BICRAL: variants seen among roughly 807,000 people sequenced by gnomAD.
The protein encoded by BICRAL is BICRA like chromatin remodeling complex associated protein, also known as BRD4-interacting chromatin-remodeling complex-associated protein-like.
BICRAL carries 8 observed loss-of-function variants against 91.8 expected under a neutral mutation model. The observed-to-expected ratio is 0.09, with a 90% CI of 0.05 to 0.16. BICRAL has a LOEUF of 0.16. Ranked by LOEUF, BICRAL falls within the 10% of genes least tolerant of loss-of-function variation. BICRAL has a pLI of 1.00. For missense variants in BICRAL, 1,038 were observed against 1,310.9 expected, an observed-to-expected ratio of 0.79 and a Z score of 3.21; for synonymous variants, 445 against 491.1, an observed-to-expected ratio of 0.91 and a Z score of 1.24.
At chr6:42,827,016 C>T (rs1358623584) in intron 5 of BICRAL, among the ~76,000 whole-genome samples, 2 of 152,102 alleles carry the variant, frequency 1.3e-5, no homozygotes, top group Non-Finnish European at 2.9e-5. Flanking sequence ...AAACTCCCAA[C>T]CTCAGGTGAT....
At chr6:42,835,287 A>G (rs1484110993) in intron 6 of BICRAL, among the ~76,000 whole-genome samples, 1 of 151,752 alleles carries the variant, frequency 6.6e-6, no homozygotes, top group African/African-American at 2.4e-5. Context: ...CGCCACCACA[A>G]CTGGCTAATT....
At chr6:42,748,410 A>G (rs181875285) in intron 1 of BICRAL, among the ~76,000 whole-genome samples, 65 of 152,292 alleles carry the variant, frequency 4.3e-4, no homozygotes, top group Non-Finnish European at 7.9e-4. Context: ...ACATTTCGGT[A>G]TTAGGCATAG....
chr6:42,760,359 TAAA>T (rs59668032), intron 1 of BICRAL, among the ~76,000 whole-genome samples: 2 of 125,954 alleles, frequency 1.6e-5, no homozygotes, highest in Non-Finnish European at 1.7e-5. Flanking sequence ...TCTCTACTAC[TAAA>T]AAAAAAAAAA....
chr6:42,791,441 T>C (rs925263635), intron 1 of BICRAL, among the ~76,000 whole-genome samples: 7 of 152,282 alleles, frequency 4.6e-5, no homozygotes, highest in Admixed American at 1.3e-4. Context: ...ATGAAAGATA[T>C]TGCCTTTCTA....
In BICRAL at chr6:42,830,033, C is replaced by T. The variant is rs770145250; in HGVS notation, c.1700C>T (p.Thr567Ile). ...VQSGSSGSNF[T>I]GDQLTQPNRT... The stretch of plus-strand genomic sequence containing the variant: ...TCTGGTTCATCAGGATCAAACTTTA[C>T]AGGAGATCAGCTGACCCAGCCAAAC... The change falls in exon 6 of 13, where the codon ACA becomes ATA. Residue 567 changes from threonine to isoleucine, a missense_variant. Coordinates refer to ENST00000314073, the MANE Select transcript of BICRAL (RefSeq NM_001393499.1). 2.1e-5 allele frequency: 34 copies of T among 1,614,076 alleles called. No homozygotes were observed. The East Asian group carries it at 5.6e-4, about 26-fold the overall frequency.
intron 9 of BICRAL, 104 bp downstream of exon 9, chr6:42,856,021 A>C: frequency 2.1e-6 from 2 of 942,456 alleles, no homozygotes; most frequent in South Asian, 1.4e-5. Flanking sequence ...TGAGTATATT[A>C]GCCTTTTTAA....
chr6:42,831,809 G>A (rs1183259664), intron 6 of BICRAL, among the ~76,000 whole-genome samples: 3 of 150,990 alleles, frequency 2.0e-5, no homozygotes, highest in South Asian at 2.1e-4. Flanking sequence ...CGAAATCTCA[G>A]CTCACTGCAG....
At chr6:42,863,586 G>C (rs1765621647) in intron 12 of BICRAL, among the ~76,000 whole-genome samples, 1 of 152,224 alleles carries the variant, frequency 6.6e-6, no homozygotes, top group South Asian at 2.1e-4. Flanking sequence ...AAGACAGATA[G>C]GTTTTCTGTT....
At chr6:42,832,398 T>TAC (rs1764511661) in intron 6 of BICRAL, among the ~76,000 whole-genome samples, 1 of 147,196 alleles carries the variant, frequency 6.8e-6, no homozygotes. Context: ...TATATATATA[T>TAC]ACATATATAT....
Position 42,864,767 on chromosome 6 carries a change from A to T in BICRAL, c.2561A>T (p.Gln854Leu). The T allele has an allele frequency of 1.2e-6, 2 of 1,614,216 alleles. No individual in the cohort carries two copies. The highest frequency in any genetic ancestry group is 1.7e-6 in the Non-Finnish European group (2 of 1,180,042). The change falls in exon 13 of 13, where the codon CAA (glutamine) becomes CTA (leucine). Residue 854 changes from glutamine to leucine, a missense_variant. This residue lies in a region of BICRAL where 294 missense variants were observed against 292.6 expected (regional missense o/e 1.00). Coordinates refer to ENST00000314073, the MANE Select transcript of BICRAL (RefSeq NM_001393499.1). The part of the protein sequence containing the change: ...QHGSKASSSL[Q>L]PPAKAQGRDR... ...GGCAGTAAAGCAAGCAGCTCTCTGC[A>T]ACCGCCAGCCAAGGCCCAAGGCAGA...
At chr6:42,857,614 A>AAATATAT in intron 10 of BICRAL, among the ~76,000 whole-genome samples, 8 of 96,226 alleles carry the variant, frequency 8.3e-5, no homozygotes, top group African/African-American at 4.6e-4. Context: ...AAAAAAAAAA[A>AAATATAT]ATATATATAT....
chr6:42,859,009 C>G (rs1765472440), intron 10 of BICRAL, among the ~76,000 whole-genome samples: 1 of 151,950 alleles, frequency 6.6e-6, no homozygotes, highest in African/African-American at 2.4e-5. Context: ...GCAGGGACCT[C>G]TAATCTCAGG....
chr6:42,778,976 C>T (rs1034042321), upstream of BICRAL, among the ~76,000 whole-genome samples: 1 of 151,912 alleles, frequency 6.6e-6, no homozygotes, highest in African/African-American at 2.4e-5. Context: ...TGCCACCACG[C>T]CTGGCTAATT....
At chr6:42,748,760 G>A (rs112560063) in intron 1 of BICRAL, among the ~76,000 whole-genome samples, 6 of 152,326 alleles carry the variant, frequency 3.9e-5, no homozygotes, top group African/African-American at 1.4e-4. Context: ...CAGGCTGTGA[G>A]GTATGTGGTC....
At chr6:42,809,076 TAAGTTCTGGCCTCC>T (rs930846612) in intron 1 of BICRAL, among the ~76,000 whole-genome samples, 1 of 152,046 alleles carries the variant, frequency 6.6e-6, no homozygotes, top group Non-Finnish European at 1.5e-5. Context: ...TTTAATACTT[TAAGTTCTGGCCTCC>T]CCTAGCCCCC....
intron 1 of BICRAL, among the ~76,000 whole-genome samples, chr6:42,789,856 C>G (rs1763217194): frequency 6.6e-6 from 1 of 152,098 alleles, no homozygotes; most frequent in Non-Finnish European, 1.5e-5. Flanking sequence ...ATTATTTGCT[C>G]CCATGTTTAC....
upstream of BICRAL, among the ~76,000 whole-genome samples, chr6:42,781,459 G>A (rs1318104146): frequency 6.6e-6 from 1 of 151,670 alleles, no homozygotes; most frequent in Non-Finnish European, 1.5e-5. Flanking sequence ...AAGTCGTTTT[G>A]GTTTTTAAAA....
chr6:42,844,846 G>A (rs1764944371), intron 6 of BICRAL, among the ~76,000 whole-genome samples: 1 of 152,178 alleles, frequency 6.6e-6, no homozygotes, highest in Non-Finnish European at 1.5e-5. Context: ...TGATGAGAAG[G>A]AGAAAGACAT....
intron 10 of BICRAL, among the ~76,000 whole-genome samples, chr6:42,857,727 G>A (rs550372476): frequency 1.3e-4 from 19 of 148,234 alleles, no homozygotes; most frequent in African/African-American, 4.3e-4. Context: ...GGCTCCAGAT[G>A]GGATGGCTTT....
Sources: allele counts gnomAD v4.1 joint callset (sites outside exome capture counted in the v4.1 genomes callset), GRCh38; gene constraint gnomAD v4.1.1; regional missense constraint gnomAD v4.1.1; transcripts MANE v1.5; gene names NCBI Gene and HGNC (gene_info 2026-07-23, HGNC 2026-07-21).